UBE2E1: variants seen among roughly 807,000 people sequenced by gnomAD.
The protein encoded by UBE2E1 is ubiquitin-conjugating enzyme E2 E1.
A neutral mutation model predicts 21.4 loss-of-function variants in UBE2E1; 6 were observed. The observed-to-expected ratio is 0.28, with a 90% CI of 0.15 to 0.55. The LOEUF is 0.55. Ranked by LOEUF, UBE2E1 falls within the 20% of genes least tolerant of loss-of-function variation. UBE2E1 has a pLI of 0.93. For missense variants in UBE2E1, 142 were observed against 236.5 expected (o/e 0.60, Z 2.62); for synonymous variants, 87 against 82.7 (o/e 1.05, Z -0.28).
intron 2 of UBE2E1, 180 bp downstream of exon 2, chr3:23,807,601 C>T (rs1699306179): frequency 3.0e-6 from 2 of 672,044 alleles, no homozygotes; most frequent in East Asian, 3.2e-5. Flanking sequence ...GTTTTTAAAT[C>T]ATTGCTCACA....
intron 3 of UBE2E1, among the ~76,000 whole-genome samples, chr3:23,818,972 T>A (rs191738136): frequency 6.6e-6 from 1 of 151,962 alleles, no homozygotes; most frequent in Non-Finnish European, 1.5e-5. Flanking sequence ...GAAGCAAATA[T>A]AGAGAGAAAA....
At position 23,887,841 on chromosome 3, in the gene UBE2E1, A is replaced by G; in HGVS notation, c.336+142A>G. On this transcript the variant is annotated intron_variant, in intron 4 of 5. Transcript: ENST00000306627. This position sits in a 1 kb window ranked among gnomAD's most constrained non-coding sequence, Gnocchi z 4.4. ...ATCTGAGTATTTTAACATATACAAA[A>G]CACTTCTTTAGGTTGATTTTGCCTT... The G allele has an allele frequency of 1.7e-6, 2 of 1,164,860 alleles. No homozygotes were observed. The highest frequency in any genetic ancestry group is 2.3e-6 in the Non-Finnish European group (2 of 855,684). The allele number at this position is 1,164,860 out of a possible 1,614,324, so 72.2% of individuals were successfully genotyped here.
chr3:23,845,043 G>A (rs1294898108), intron 3 of UBE2E1, among the ~76,000 whole-genome samples: 2 of 152,120 alleles, frequency 1.3e-5, no homozygotes, highest in Admixed American at 1.3e-4. Context: ...AAATAAAACC[G>A]GATTCCTACT....
rs1701214192 is a variant in UBE2E1 at position 23,887,469 on chromosome 3, A to G, written c.204-98A>G. On this transcript the variant is annotated intron_variant, in intron 3 of 5. Transcript: ENST00000306627. The surrounding 1 kb of genome is among the most constrained non-coding windows in gnomAD (Gnocchi z 4.4). The stretch of plus-strand genomic sequence containing the variant: ...TGTAAAGAGAATCCACACAGTAAAC[A>G]AAAGAGAGGAGAGAGGTAATCTTTC... 1 of 1,453,994 alleles carries G rather than the reference A, an allele frequency of 6.9e-7. No homozygotes were observed. 90.1% of individuals were successfully genotyped at this position (1,453,994 alleles called of 1,614,324 possible).
chr3:23,839,215 G>C (rs907841272), intron 3 of UBE2E1, among the ~76,000 whole-genome samples: 5 of 152,096 alleles, frequency 3.3e-5, no homozygotes, highest in African/African-American at 1.2e-4. Flanking sequence ...TGTAATCCCA[G>C]CACTTTGGGA....
At chr3:23,850,178 A>G (rs1309147359) in intron 3 of UBE2E1, among the ~76,000 whole-genome samples, 2 of 152,048 alleles carry the variant, frequency 1.3e-5, no homozygotes, top group East Asian at 1.9e-4. Context: ...TAATATATCA[A>G]TCTATTAAGA....
At chr3:23,882,856 C>G (rs990901156) in intron 3 of UBE2E1, among the ~76,000 whole-genome samples, 1 of 152,216 alleles carries the variant, frequency 6.6e-6, no homozygotes, top group Non-Finnish European at 1.5e-5. Context: ...TCCACGCCCA[C>G]CCGGAACTCT....
intron 3 of UBE2E1, among the ~76,000 whole-genome samples, chr3:23,883,865 G>A (rs534683274): frequency 6.8e-6 from 1 of 146,838 alleles, no homozygotes; most frequent in South Asian, 2.1e-4. Context: ...GCAGTGAGCT[G>A]AGATCATGCC....
chr3:23,851,580 G>T (rs190364052), intron 3 of UBE2E1, among the ~76,000 whole-genome samples: 5 of 152,236 alleles, frequency 3.3e-5, no homozygotes, highest in Admixed American at 3.3e-4. Flanking sequence ...AAGGTGGAAA[G>T]ATCACTTGAG....
intron 3 of UBE2E1, among the ~76,000 whole-genome samples, chr3:23,821,936 C>T (rs73822596): frequency 0.015 from 2,352 of 152,170 alleles, 72 homozygotes; most frequent in African/African-American, 0.054. Context: ...GGAGACCTTA[C>T]CAAACAGAGG....
chr3:23,811,332 A>G (rs914560696), intron 2 of UBE2E1, 128 bp from the exon 3 acceptor site: 14 of 823,356 alleles, frequency 1.7e-5, no homozygotes, highest in East Asian at 2.5e-5. Flanking sequence ...CTTGATGTGT[A>G]GTTCCTCTTT....
At position 23,814,735 on chromosome 3, in the gene UBE2E1, T is replaced by C. The variant is rs528394571; in HGVS notation, c.203+3225T>C. On this transcript the variant is annotated intron_variant, in intron 3 of 5. Transcript: ENST00000306627. ...GTTATTTATAGCCCAGGGCTCAAAC[T>C]TTGCTAAATTGACTAGTTATAACTA... 1.3e-3 allele frequency among the ~76,000 whole-genome samples: 203 copies of C among 152,276 alleles called. 1 individual carries two copies. Among genetic ancestry groups the C allele is most frequent in the Non-Finnish European group, 2.5e-3 (167 of 68,020 alleles).
At chr3:23,812,014 G>T (rs1699404805) in intron 3 of UBE2E1, among the ~76,000 whole-genome samples, 1 of 152,046 alleles carries the variant, frequency 6.6e-6, no homozygotes, top group Non-Finnish European at 1.5e-5. Flanking sequence ...CTTTGATAAA[G>T]GTTTTCTTTT....
At position 23,844,228 on chromosome 3, in the gene UBE2E1, T is replaced by A. The variant is rs943358167; in HGVS notation, c.203+32718T>A. On this transcript the variant is annotated intron_variant, in intron 3 of 5. Transcript: ENST00000306627. ...CCTGCTTGTTTATTTTATTCTATTT[T>A]ATCCTCATTTTCTACTTCTGCCCCA... is the stretch of plus-strand genomic sequence containing the variant. 3.9e-5 allele frequency among the ~76,000 whole-genome samples: 6 copies of A among 152,316 alleles called. 1 individual carries two copies. Among genetic ancestry groups the A allele is most frequent in the Admixed American group, 6.5e-5 (1 of 15,290 alleles).
At chr3:23,858,739 C>T (rs1474051024) in intron 3 of UBE2E1, among the ~76,000 whole-genome samples, 1 of 152,202 alleles carries the variant, frequency 6.6e-6, no homozygotes, top group Non-Finnish European at 1.5e-5. Context: ...ACCTGCAGCA[C>T]TGAAGCTATT....
At chr3:23,864,133 GT>G (rs1280677270) in intron 3 of UBE2E1, among the ~76,000 whole-genome samples, 3 of 152,138 alleles carry the variant, frequency 2.0e-5, no homozygotes, top group African/African-American at 7.2e-5. Flanking sequence ...TTGATTGATA[GT>G]TTGTCTGGTG....
intron 2 of UBE2E1, 133 bp downstream of exon 2, chr3:23,807,554 C>A: frequency 9.0e-7 from 1 of 1,108,142 alleles, no homozygotes; most frequent in Non-Finnish European, 1.2e-6. Context: ...AAAGAAGGGC[C>A]TTGGAAGCCC....
intron 3 of UBE2E1, among the ~76,000 whole-genome samples, chr3:23,881,977 G>A (rs76572613): frequency 6.6e-6 from 1 of 152,174 alleles, no homozygotes; most frequent in African/African-American, 2.4e-5. Flanking sequence ...CTTCTGGTGG[G>A]TTCGTGGTTT....
intron 3 of UBE2E1, among the ~76,000 whole-genome samples, chr3:23,861,165 T>C (rs986442942): frequency 2.0e-5 from 3 of 152,222 alleles, no homozygotes; most frequent in Non-Finnish European, 4.4e-5. Context: ...CTGTGGTTTA[T>C]TGATAACTCT....
Sources: allele counts gnomAD v4.1 joint callset (sites outside exome capture counted in the v4.1 genomes callset), GRCh38; gene constraint gnomAD v4.1.1; non-coding constraint Gnocchi (gnomAD v3.1); transcripts MANE v1.5; gene names NCBI Gene and HGNC (gene_info 2026-07-23, HGNC 2026-07-21).